Variants in SPSB3 observed in about 807,000 individuals in gnomAD.
The protein encoded by SPSB3 is splA/ryanodine receptor domain and SOCS box containing 3, also known as SPRY domain-containing SOCS box protein 3.
SPSB3 carries 18 observed loss-of-function variants against 29.5 expected under a neutral mutation model. The ratio of observed to expected loss-of-function variants is 0.61; its 90% CI spans 0.42 to 0.91. SPSB3 has a LOEUF of 0.91. Ranked by LOEUF, SPSB3 falls within the 40% of genes least tolerant of loss-of-function variation. SPSB3 has a pLI of 0.00. For missense variants in SPSB3, 540 were observed against 507.5 expected (o/e 1.06, Z -0.61); for synonymous variants, 299 against 214.1 (o/e 1.40, Z -3.46).
At position 1,781,847 on chromosome 16, in the gene SPSB3, T is replaced by A. The variant is rs973197371; in HGVS notation, c.-12-352A>T. ...CTGTCGTCCGGTTTGACAAATGGCA[T>A]CTCCGGCCTCCCAGTTCCTCATGCC... On this transcript the variant is annotated intron_variant, in intron 1 of 6. Coordinates refer to ENST00000566339, the MANE Select transcript of SPSB3 (RefSeq NM_080861.4). 2.7e-5 allele frequency: 7 copies of A among 261,676 alleles called. 1 individual carries two copies. The highest frequency in any genetic ancestry group is 5.3e-5 in the Non-Finnish European group (7 of 132,884). 16.2% of individuals were successfully genotyped at this position (261,676 alleles called of 1,614,324 possible).
At chr16:1,781,079 C>T (rs1356705895) in intron 2 of SPSB3, 6 of 1,202,722 alleles carry the variant, frequency 5.0e-6, no homozygotes, top group Non-Finnish European at 6.7e-6. Flanking sequence ...AACTGCCAAC[C>T]TCTCCATGCA....
Position 1,778,426 on chromosome 16 carries a change from C to T in SPSB3, c.304+9G>A. The T allele has an allele frequency of 6.2e-7, 1 of 1,607,030 alleles. No individual in the cohort carries two copies. The highest frequency in any genetic ancestry group is 8.5e-7 in the Non-Finnish European group (1 of 1,176,904). On this transcript the variant is annotated intron_variant, in intron 3 of 6. Coordinates refer to ENST00000566339, the MANE Select transcript of SPSB3 (RefSeq NM_080861.4). ...TGCAGTCCCAGCAGGGGCTGGGCCC[C>T]ACGCTCACACTCGTCTTCCTCTCCG...
chr16:1,781,187 T>TCTTA, intron 2 of SPSB3, 171 bp downstream of exon 2: 13 of 1,541,820 alleles, frequency 8.4e-6, no homozygotes, highest in Non-Finnish European at 1.1e-5. Context: ...AATTAAAGAG[T>TCTTA]CTTACTGAAT....
At chr16:1,777,541 G>C in intron 6 of SPSB3, 98 bp from the exon 7 acceptor site, 1 of 1,369,144 alleles carries the variant, frequency 7.3e-7, no homozygotes. Context: ...CGGGTGGGCA[G>C]CTGGCACAGC....
rs1161824821 is a variant in SPSB3 at position 1,781,444 on chromosome 16, C to T, written c.40G>A (p.Val14Ile). The T allele has an allele frequency of 6.2e-7, 1 of 1,612,746 alleles. No individual in the cohort carries two copies. The highest frequency in any genetic ancestry group is 8.5e-7 in the Non-Finnish European group (1 of 1,179,998). Residue 14 changes from valine to isoleucine, a missense_variant, in exon 2 of 7, where the codon GTC (valine) becomes ATC (isoleucine). By Grantham distance (29) the Val-to-Ile change is conservative. Coordinates refer to ENST00000566339, the MANE Select transcript of SPSB3 (RefSeq NM_080861.4). ...RPRNSRAWHF[V>I]LSAARRDADA... Reference sequence around the variant, plus strand: ...GCGTCTCGGCGGGCTGCACTCAGGACGAAGTGCCAGGCCCTGCTGTTCCGG... The same window carrying T: ...GCGTCTCGGCGGGCTGCACTCAGGATGAAGTGCCAGGCCCTGCTGTTCCGG...
intron 6 of SPSB3, 55 bp from the exon 7 acceptor site, chr16:1,777,498 G>A: frequency 6.9e-7 from 1 of 1,441,740 alleles, no homozygotes; most frequent in Non-Finnish European, 9.1e-7. Flanking sequence ...CAGCTACTGG[G>A]CGCAGCCCCT....
intron 2 of SPSB3, chr16:1,781,090 C>T (rs1277347013): frequency 1.5e-6 from 2 of 1,297,314 alleles, no homozygotes; most frequent in South Asian, 1.4e-5. Context: ...TCTCCATGCA[C>T]CATGTGTTTC....
chr16:1,781,854 C>T, intron 1 of SPSB3: 1 of 262,110 alleles, frequency 3.8e-6, no homozygotes, highest in South Asian at 4.1e-5. Context: ...GCATCTCCGG[C>T]CTCCCAGTTC....
intron 2 of SPSB3, chr16:1,779,356 G>C (rs1478358975): frequency 6.5e-6 from 1 of 152,700 alleles, no homozygotes; most frequent in Non-Finnish European, 1.5e-5. Flanking sequence ...AGCAGGGAGA[G>C]TGCTAAGTGG....
chr16:1,781,159 T>A, intron 2 of SPSB3, 199 bp downstream of exon 2: 1 of 1,528,420 alleles, frequency 6.5e-7, no homozygotes. Context: ...CCCCTGAGGC[T>A]GTGTGTGTCC....
chr16:1,776,752 A>G lies in SPSB3; in HGVS notation c.*345T>C, dbSNP rs1296351899. 7.6e-6 allele frequency: 3 copies of G among 395,992 alleles called. No homozygotes were observed. Among genetic ancestry groups the G allele is most frequent in the African/African-American group, 2.0e-5 (1 of 48,864 alleles). The allele number at this position is 395,992 out of a possible 1,614,324, so 24.5% of individuals were successfully genotyped here. ...AACTCTACATTTATTGCAGTCCTTT[A>G]AGTCTATGACGGCGGGGCAGCCGCT... On this transcript the variant is annotated 3_prime_UTR_variant, in exon 7 of 7. Coordinates refer to ENST00000566339, the MANE Select transcript of SPSB3 (RefSeq NM_080861.4).
rs776757300 is a variant in SPSB3, at chr16:1,781,507, C to A, written c.-12-12G>T. The A allele has an allele frequency of 6.2e-7, 1 of 1,609,484 alleles. No individual in the cohort carries two copies. Among genetic ancestry groups the A allele is most frequent in the East Asian group, 2.2e-5 (1 of 44,832 alleles). ...ATGGTGGAAAGAATCTAGAAGAAAA[C>A]ACAGGCTCTGGGCAAAGGAAGACTC... is the stretch of plus-strand genomic sequence containing the variant. On this transcript the variant is annotated splice_polypyrimidine_tract_variant and intron_variant, in intron 1 of 6. Transcript: ENST00000566339.
In SPSB3 at chr16:1,781,172, T is replaced by C. The variant is rs1896692991; in HGVS notation, c.126+186A>G. On this transcript the variant is annotated intron_variant, in intron 2 of 6. Coordinates refer to ENST00000566339, the MANE Select transcript of SPSB3 (RefSeq NM_080861.4). ...CACCCCTGAGGCTGTGTGTGTCCTT[T>C]GCCAAATTAAAGAGTCTTACTGAAT... 3.9e-6 allele frequency: 6 copies of C among 1,533,750 alleles called. No individual in the cohort carries two copies. In the East Asian group the frequency reaches 1.2e-4, roughly 31 times the overall value.
At chr16:1,782,316 C>A (rs1441698248) in intron 1 of SPSB3, 186 bp downstream of exon 1, 2 of 151,816 alleles carry the variant, frequency 1.3e-5, no homozygotes, top group African/African-American at 4.8e-5. Flanking sequence ...GGCGGCAGCC[C>A]GGCCTGGCTG....
chr16:1,778,663 T>C, intron 2 of SPSB3, 51 bp from the exon 3 acceptor site: 1 of 1,509,696 alleles, frequency 6.6e-7, no homozygotes, highest in Non-Finnish European at 8.8e-7. Flanking sequence ...CTCTACCCTC[T>C]CACCCTTGCC....
In SPSB3 at chr16:1,778,170, C is replaced by T. The variant is rs1338671669; in HGVS notation, c.456G>A (p.Glu152=). The change falls in exon 4 of 7, where the codon GAG becomes GAA. Residue 152 remains glutamate, a synonymous_variant. Transcript: ENST00000566339. ...CGTAGACGGGAGAGGTCATCTTGAT[C>T]TCCCAGAAGTGCTGGCCCTCCCCCA... ...KELGEGQHFW[E]IKMTSPVYGT... is the part of the protein sequence containing the mutation. The T allele has an allele frequency of 1.9e-6, 3 of 1,612,688 alleles. No homozygotes were observed. The highest frequency in any genetic ancestry group is 1.3e-5 in the African/African-American group (1 of 74,920).
At position 1,777,403 on chromosome 16, in the gene SPSB3, C is replaced by A. The variant is rs1221806226; in HGVS notation, c.762G>T (p.Pro254=). ...ATKLQNKRFY[P]MVCSTAARSS... is the part of the protein sequence containing the mutation. ...TCCGGGCCGCCGTGGAGCACACCAT[C>A]GGGTAGAATCTCTTGTTCTGCAGCT... Residue 254 remains proline, a synonymous_variant, in exon 7 of 7, where the codon CCG becomes CCT. Transcript: ENST00000566339. The A allele has an allele frequency of 1.9e-6, 3 of 1,573,712 alleles. No individual in the cohort carries two copies. Among genetic ancestry groups the A allele is most frequent in the Non-Finnish European group, 1.7e-6 (2 of 1,162,128 alleles).
chr16:1,782,036 C>T, intron 1 of SPSB3: 1 of 171,086 alleles, frequency 5.8e-6, no homozygotes, highest in South Asian at 1.2e-4. Context: ...TTAAAACCTG[C>T]TCAGCGCTGG....
chr16:1,777,178 G>T lies in SPSB3; in HGVS notation c.987C>A (p.Ser329=). Residue 329 remains serine (S), a synonymous_variant, in exon 7 of 7, where the codon TCC becomes TCA. Transcript: ENST00000566339. ...GGGCGGAGGTCGCTGCCTGGGGATC[G>T]GACACTGGAGCCTTGCGGCGGCTGC... is the stretch of plus-strand genomic sequence containing the variant. ...MSCSRRKAPV[S]DPQAATSAHP... The T allele has an allele frequency of 6.2e-7, 1 of 1,610,858 alleles. No individual in the cohort carries two copies. The highest frequency in any genetic ancestry group is 2.2e-5 in the East Asian group (1 of 44,876).
Sources: gnomAD v4.1 joint callset for allele counts on GRCh38, gnomAD v4.1.1 for gene constraint, MANE v1.5 for transcripts, NCBI Gene and HGNC (gene_info 2026-07-23, HGNC 2026-07-21) for gene names.